WDR88: variants seen among roughly 807,000 people sequenced by gnomAD.
WDR88 encodes WD repeat-containing protein 88.
Under a neutral mutation model 46.8 loss-of-function variants are expected in WDR88, and 40 were observed. That is an observed-to-expected ratio of 0.86 (90% CI 0.66 to 1.11). WDR88 has a LOEUF of 1.11. WDR88 is among the 50% of genes most tolerant of loss of function. The probability of loss-of-function intolerance (pLI) is 0.00; values close to 1 mark genes in which losing one functional copy is unlikely to be tolerated. For synonymous variants in WDR88, 235 were observed against 240.7 expected (o/e 0.98, Z 0.22); for missense variants, 562 against 602.4 (o/e 0.93, Z 0.70).
chr19:33,156,896 C>T (rs1393112923), intron 7 of WDR88, among the ~76,000 whole-genome samples: 1 of 152,130 alleles, frequency 6.6e-6, no homozygotes, highest in Non-Finnish European at 1.5e-5. Context: ...CAGCCTTTAC[C>T]CCCAAGGAGG....
At chr19:33,152,428 C>T (rs2145393067) in intron 6 of WDR88, among the ~76,000 whole-genome samples, 1 of 152,150 alleles carries the variant, frequency 6.6e-6, no homozygotes, top group African/African-American at 2.4e-5. Flanking sequence ...CCCCATGCCC[C>T]CAGCCCTGGG....
intron 9 of WDR88, among the ~76,000 whole-genome samples, chr19:33,165,062 AT>A (rs1973931551): frequency 6.6e-6 from 1 of 151,938 alleles, no homozygotes; most frequent in Non-Finnish European, 1.5e-5. Flanking sequence ...ACAGTTCACA[AT>A]AGCCTTCGTG....
intron 2 of WDR88, among the ~76,000 whole-genome samples, chr19:33,138,772 C>T (rs1973331362): frequency 6.7e-6 from 1 of 149,158 alleles, no homozygotes; most frequent in Non-Finnish European, 1.5e-5. Context: ...CAACTTCCGC[C>T]TCTGGGTTCA....
rs1356322353 is a variant in WDR88, at chr19:33,152,214, AGAGT to A, written c.809+908_809+911del. On this transcript the variant is annotated intron_variant, in intron 6 of 10. Coordinates refer to ENST00000355868, the MANE Select transcript of WDR88 (RefSeq NM_173479.4). ...GCCACTGCACTCCAGCCTAGGTGAC[AGAGT>A]GAGACTCTGTCTCAAAATATATATA... 3.3e-5 allele frequency among the ~76,000 whole-genome samples: 5 copies of A among 150,158 alleles called. No individual in the cohort carries two copies. In the East Asian group the frequency reaches 9.7e-4, roughly 29 times the overall value.
intron 8 of WDR88, among the ~76,000 whole-genome samples, chr19:33,163,511 A>G (rs1438729370): frequency 6.6e-6 from 1 of 152,116 alleles, no homozygotes; most frequent in Non-Finnish European, 1.5e-5. Context: ...CAAACAAACA[A>G]ACAAACCCCA....
chr19:33,149,322 AAAAAAACAAACAAACAAAC>A (rs1568363888), intron 5 of WDR88, among the ~76,000 whole-genome samples: 4 of 133,850 alleles, frequency 3.0e-5, no homozygotes, highest in South Asian at 2.5e-4. Context: ...ACTCCATCTC[AAAAAAACAAACAAACAAAC>A]AAAAAACAAA....
chr19:33,154,378 TC>T (rs1466854239), intron 6 of WDR88, among the ~76,000 whole-genome samples: 1 of 152,050 alleles, frequency 6.6e-6, no homozygotes, highest in Non-Finnish European at 1.5e-5. Flanking sequence ...TCCACTTGCC[TC>T]CCACCCCCTG....
rs1350318862 is a variant in WDR88 at position 33,151,274 on chromosome 19, A to T, written c.773A>T (p.Asp258Val). 2 of 1,613,444 alleles carry T rather than the reference A, an allele frequency of 1.2e-6. No individual in the cohort carries two copies. Among genetic ancestry groups the T allele is most frequent in the Non-Finnish European group, 1.7e-6 (2 of 1,179,860 alleles). ...VSLDRCIKIW[D>V]VTSQATLLTI... ...TTGGACAGGTGCATCAAGATCTGGG[A>T]TGTTACATCCCAGGCCACGCTGCTC... The change falls in exon 6 of 11, where the codon GAT (aspartate) becomes GTT (valine). Residue 258 changes from aspartate to valine, a missense_variant. Asp to Val is a radical substitution (Grantham distance 152, BLOSUM62 -3). Coordinates refer to ENST00000355868, the MANE Select transcript of WDR88 (RefSeq NM_173479.4).
chr19:33,150,345 G>C (rs1353807666), intron 5 of WDR88, among the ~76,000 whole-genome samples: 1 of 152,172 alleles, frequency 6.6e-6, no homozygotes, highest in African/African-American at 2.4e-5. Context: ...CCAGCTACTC[G>C]GGAGGCTGAG....
intron 10 of WDR88, chr19:33,174,065 T>G (rs981159071): frequency 3.8e-6 from 4 of 1,042,068 alleles, no homozygotes; most frequent in Non-Finnish European, 5.6e-6. Flanking sequence ...TTGGCCAGGT[T>G]GGTCTCGAAC....
chr19:33,173,353 G>A (rs571522071), intron 10 of WDR88, among the ~76,000 whole-genome samples: 33 of 152,318 alleles, frequency 2.2e-4, no homozygotes, highest in Admixed American at 5.9e-4. Flanking sequence ...AGGTGCCTGC[G>A]CTTCTCTAGT....
intron 10 of WDR88, chr19:33,174,527 A>G: frequency 4.1e-6 from 4 of 985,110 alleles, no homozygotes; most frequent in Non-Finnish European, 4.8e-6. Context: ...GAGCTGTGCC[A>G]TTTGTTTTCA....
chr19:33,164,488 T>C (rs993087133), intron 9 of WDR88, among the ~76,000 whole-genome samples: 9 of 152,206 alleles, frequency 5.9e-5, no homozygotes, highest in Non-Finnish European at 1.0e-4. Context: ...CCGTTGACAT[T>C]TGAACTTTGT....
chr19:33,147,081 GA>G (rs1160634927), intron 3 of WDR88, among the ~76,000 whole-genome samples: 2 of 150,654 alleles, frequency 1.3e-5, no homozygotes, highest in Non-Finnish European at 3.0e-5. Context: ...AAGAGAGAGA[GA>G]AAAAAATAGC....
intron 4 of WDR88, among the ~76,000 whole-genome samples, chr19:33,147,935 C>A (rs1449663396): frequency 6.6e-6 from 1 of 151,942 alleles, no homozygotes; most frequent in East Asian, 1.9e-4. Flanking sequence ...GAGGAAGACT[C>A]CTGGAGGAGG....
Position 33,149,869 on chromosome 19 carries a change from AGGC to A in WDR88, c.679+960_679+962del, listed in dbSNP as rs989840101. On this transcript the variant is annotated intron_variant, in intron 5 of 10. Coordinates refer to ENST00000355868, the MANE Select transcript of WDR88 (RefSeq NM_173479.4). ...GAGATGGGGTTTCACCATGTTGGGC[AGGC>A]TGGTCTCGAGCTCCTGACCTCAGGT... 3.4e-4 allele frequency among the ~76,000 whole-genome samples: 52 copies of A among 152,170 alleles called. 1 individual carries two copies. The highest frequency in any genetic ancestry group is 1.2e-3 in the African/African-American group (51 of 41,568).
At chr19:33,136,989 G>A (rs996066755) in intron 1 of WDR88, among the ~76,000 whole-genome samples, 1 of 151,986 alleles carries the variant, frequency 6.6e-6, no homozygotes, top group African/African-American at 2.4e-5. Flanking sequence ...GGAGTGCAGT[G>A]CTGCAATCAT....
intron 1 of WDR88, among the ~76,000 whole-genome samples, chr19:33,134,847 C>CG (rs1351764559): frequency 7.3e-6 from 1 of 136,938 alleles, no homozygotes; most frequent in Non-Finnish European, 1.6e-5. Context: ...GACACCCCCC[C>CG]CCCCGCCCCG....
At chr19:33,171,819 G>C (rs1974043401) in intron 9 of WDR88, among the ~76,000 whole-genome samples, 1 of 152,154 alleles carries the variant, frequency 6.6e-6, no homozygotes, top group Non-Finnish European at 1.5e-5. Context: ...TGTCGCACAG[G>C]CTTGAGTGCA....
Sources: allele counts gnomAD v4.1 joint callset (sites outside exome capture counted in the v4.1 genomes callset), GRCh38; gene constraint gnomAD v4.1.1; transcripts MANE v1.5; gene names NCBI Gene and HGNC (gene_info 2026-07-23, HGNC 2026-07-21).